GRXCR1: variants seen among roughly 807,000 people sequenced by gnomAD.
The protein encoded by GRXCR1 is glutaredoxin and cysteine rich domain containing 1.
GRXCR1 carries 27 observed loss-of-function variants against 27.3 expected under a neutral mutation model. The ratio of observed to expected loss-of-function variants is 0.99; its 90% confidence interval spans 0.73 to 1.37. The LOEUF (loss-of-function observed/expected upper bound fraction) is 1.37, where lower values mean the gene tolerates loss of function less well. GRXCR1 is among the 40% of genes most tolerant of loss of function. GRXCR1 has a pLI of 0.00. For synonymous variants in GRXCR1, 122 were observed against 131.1 expected (o/e 0.93, Z 0.47); for missense variants, 379 against 354.4 (o/e 1.07, Z -0.56).
At chr4:42,928,045 C>A (rs1158035935) in intron 1 of GRXCR1, among the ~76,000 whole-genome samples, 2 of 151,936 alleles carry the variant, frequency 1.3e-5, no homozygotes, top group Non-Finnish European at 2.9e-5. Flanking sequence ...GCATATTTAT[C>A]CTCCAGTACT....
chr4:42,927,376 C>A (rs937531335), intron 1 of GRXCR1, among the ~76,000 whole-genome samples: 1 of 151,978 alleles, frequency 6.6e-6, no homozygotes, highest in South Asian at 2.1e-4. Flanking sequence ...AGCATGCTTA[C>A]GCCCCTGCTA....
At chr4:42,898,503 C>T in intron 1 of GRXCR1, among the ~76,000 whole-genome samples, 1 of 151,968 alleles carries the variant, frequency 6.6e-6, no homozygotes, top group East Asian at 1.9e-4. Context: ...CTCTGGTTCA[C>T]TGAATCAAAC....
chr4:43,005,101 T>G (rs1020552581), intron 2 of GRXCR1, among the ~76,000 whole-genome samples: 1 of 152,124 alleles, frequency 6.6e-6, no homozygotes, highest in African/African-American at 2.4e-5. Context: ...AGTGAGTGAG[T>G]TCTCATGAGA....
intron 1 of GRXCR1, among the ~76,000 whole-genome samples, chr4:42,918,572 T>G (rs1487860482): frequency 1.3e-5 from 2 of 152,130 alleles, no homozygotes; most frequent in East Asian, 1.9e-4. Context: ...TGCTTTGCCT[T>G]GAAAGAGCAG....
At chr4:42,966,120 C>G (rs556866798) in intron 2 of GRXCR1, among the ~76,000 whole-genome samples, 4 of 152,194 alleles carry the variant, frequency 2.6e-5, no homozygotes, top group Non-Finnish European at 4.4e-5. Flanking sequence ...GGAGCAAATT[C>G]AGTTTGGAAC....
chr4:42,988,835 T>TA (rs1215362859), intron 2 of GRXCR1, among the ~76,000 whole-genome samples: 1 of 152,200 alleles, frequency 6.6e-6, no homozygotes, highest in Non-Finnish European at 1.5e-5. Context: ...TTTCAGACTA[T>TA]AAGTCATATA....
chr4:42,939,083 T>C (rs1042196206), intron 1 of GRXCR1, among the ~76,000 whole-genome samples: 1 of 152,104 alleles, frequency 6.6e-6, no homozygotes, highest in Non-Finnish European at 1.5e-5. Context: ...ACTGTATCTA[T>C]AGATTGCTTT....
intron 3 of GRXCR1, 115 bp from the exon 4 acceptor site, chr4:43,030,246 A>G: frequency 1.1e-6 from 1 of 881,430 alleles, no homozygotes; most frequent in Non-Finnish European, 1.9e-6. Flanking sequence ...GTATAGCCAT[A>G]TTATGCCAAT....
At chr4:42,959,073 C>G (rs1482852605) in intron 1 of GRXCR1, among the ~76,000 whole-genome samples, 1 of 151,880 alleles carries the variant, frequency 6.6e-6, no homozygotes, top group Non-Finnish European at 1.5e-5. Flanking sequence ...TGGGTATATA[C>G]TCAAAGGAAA....
intron 3 of GRXCR1, among the ~76,000 whole-genome samples, chr4:43,028,673 A>G (rs966148001): frequency 2.6e-5 from 4 of 152,252 alleles, no homozygotes; most frequent in Non-Finnish European, 5.9e-5. Context: ...CTTTTAAAGT[A>G]CACTATTTTT....
chr4:43,009,824 C>T (rs1450302737), intron 2 of GRXCR1, among the ~76,000 whole-genome samples: 1 of 152,166 alleles, frequency 6.6e-6, no homozygotes, highest in African/African-American at 2.4e-5. Flanking sequence ...TTGCTGTAGA[C>T]ATTCATTCTA....
chr4:42,915,417 G>A (rs1288192568), intron 1 of GRXCR1, among the ~76,000 whole-genome samples: 1 of 152,084 alleles, frequency 6.6e-6, no homozygotes, highest in Non-Finnish European at 1.5e-5. Flanking sequence ...ATCAATTAGG[G>A]TGTGTAGGAT....
chr4:42,902,473 T>C (rs1746482697), intron 1 of GRXCR1, among the ~76,000 whole-genome samples: 1 of 152,192 alleles, frequency 6.6e-6, no homozygotes, highest in South Asian at 2.1e-4. Context: ...GTTATTTCGA[T>C]GGCTGCATAG....
chr4:42,956,938 A>G (rs1368923439), intron 1 of GRXCR1, among the ~76,000 whole-genome samples: 5 of 152,116 alleles, frequency 3.3e-5, no homozygotes, highest in Non-Finnish European at 7.4e-5. Flanking sequence ...ACCCAAGATC[A>G]TTAAAATACA....
intron 1 of GRXCR1, among the ~76,000 whole-genome samples, chr4:42,960,245 G>A (rs545902550): frequency 2.0e-5 from 3 of 151,924 alleles, no homozygotes; most frequent in Admixed American, 1.3e-4. Context: ...GTACCTATTC[G>A]AAGTAGTGGA....
intron 2 of GRXCR1, among the ~76,000 whole-genome samples, chr4:43,000,490 A>G (rs1415900695): frequency 6.6e-6 from 1 of 151,600 alleles, no homozygotes; most frequent in Non-Finnish European, 1.5e-5. Context: ...AAAAAAAAAA[A>G]AAAAAAAGAA....
chr4:42,964,741 C>T (rs1030186842), intron 2 of GRXCR1, among the ~76,000 whole-genome samples: 7 of 151,934 alleles, frequency 4.6e-5, no homozygotes, highest in African/African-American at 9.7e-5. Context: ...GGACCACAAA[C>T]AGGTCTTAAT....
chr4:42,974,072 GACA>G (rs1250877004), intron 2 of GRXCR1, among the ~76,000 whole-genome samples: 1 of 152,146 alleles, frequency 6.6e-6, no homozygotes. Flanking sequence ...ATTGCACTGA[GACA>G]GCAGGGTTTG....
At chr4:43,016,887 G>A (rs1443848825) in intron 2 of GRXCR1, among the ~76,000 whole-genome samples, 2 of 151,956 alleles carry the variant, frequency 1.3e-5, no homozygotes, top group Non-Finnish European at 2.9e-5. Context: ...TTTCTTCCTT[G>A]GTGATTCATA....
Sources: gnomAD v4.1 joint callset for allele counts (sites outside exome capture counted in the v4.1 genomes callset) on GRCh38, gnomAD v4.1.1 for gene constraint, MANE v1.5 for transcripts, NCBI Gene and HGNC (gene_info 2026-07-23, HGNC 2026-07-21) for gene names.